The following FSD1L variants were observed in gnomAD, a reference collection of about 807,000 sequenced individuals.
FSD1L encodes FSD1-like protein.
Under a neutral mutation model 71.6 loss-of-function variants are expected in FSD1L, and 45 were observed. The ratio of observed to expected loss-of-function variants is 0.63; its 90% CI spans 0.49 to 0.81. The LOEUF is 0.81. FSD1L is among the 30% of genes least tolerant of loss of function. The pLI is 0.00. For missense variants in FSD1L, 561 were observed against 618.1 expected, an observed-to-expected ratio of 0.91 and a Z score of 0.98; for synonymous variants, 197 against 207.2, an observed-to-expected ratio of 0.95 and a Z score of 0.42.
At chr9:105,510,817 T>C (rs1834347688) in intron 9 of FSD1L, among the ~76,000 whole-genome samples, 1 of 152,142 alleles carries the variant, frequency 6.6e-6, no homozygotes, top group South Asian at 2.1e-4. Flanking sequence ...AGCTATGATA[T>C]AATTTTATAG....
rs541656787 is a variant in FSD1L at position 105,545,526 on chromosome 9, T to G, written c.1468-832T>G. Reference sequence around the variant, plus strand: ...CAGTTTTCAAAGTGAATGCTTCCAGTTTTTGCCCATTCAGTATGATATTGG... The same window carrying G: ...CAGTTTTCAAAGTGAATGCTTCCAGGTTTTGCCCATTCAGTATGATATTGG... On this transcript the variant is annotated intron_variant, in intron 13 of 13. Coordinates refer to ENST00000481272, the MANE Select transcript of FSD1L (RefSeq NM_001145313.3). Among the ~76,000 whole-genome samples, 35 of 150,750 alleles carry G rather than the reference T, an allele frequency of 2.3e-4. 1 individual carries two copies. The highest frequency in any genetic ancestry group is 2.1e-3 in the Admixed American group (32 of 15,194).
At chr9:105,523,667 T>C (rs1835325614) in intron 10 of FSD1L, 5 of 1,601,552 alleles carry the variant, frequency 3.1e-6, no homozygotes, top group Non-Finnish European at 4.3e-6. Flanking sequence ...CCATGTTGAC[T>C]GATAAATATA....
chr9:105,444,355 A>AGG (rs1829597534), upstream of FSD1L, among the ~76,000 whole-genome samples: 1 of 152,196 alleles, frequency 6.6e-6, no homozygotes, highest in Admixed American at 6.5e-5. Flanking sequence ...TAGCAAGGTA[A>AGG]GTGACTCACT....
intron 10 of FSD1L, chr9:105,521,920 A>G: frequency 1.2e-6 from 2 of 1,612,524 alleles, no homozygotes; most frequent in Non-Finnish European, 1.7e-6. Context: ...GAACACACAG[A>G]TATGTGTAAA....
At chr9:105,504,008 A>G (rs918599161) in intron 7 of FSD1L, among the ~76,000 whole-genome samples, 1 of 152,232 alleles carries the variant, frequency 6.6e-6, no homozygotes, top group Non-Finnish European at 1.5e-5. Context: ...TGAGATGTAG[A>G]TAGCAGGGTG....
At chr9:105,504,723 T>C (rs1473416042) in intron 7 of FSD1L, among the ~76,000 whole-genome samples, 1 of 152,240 alleles carries the variant, frequency 6.6e-6, no homozygotes, top group African/African-American at 2.4e-5. Context: ...AGATTACTTA[T>C]AATACCTAAT....
At chr9:105,452,816 C>T (rs1237966243) in intron 1 of FSD1L, among the ~76,000 whole-genome samples, 3 of 151,880 alleles carry the variant, frequency 2.0e-5, no homozygotes, top group African/African-American at 7.3e-5. Flanking sequence ...ACCATGGCAA[C>T]CTCTGCTTTC....
rs1834061593 is a variant in FSD1L at position 105,506,530 on chromosome 9, G to C, written c.718G>C (p.Asp240His). 1 of 1,551,002 alleles carries C rather than the reference G, an allele frequency of 6.4e-7. No homozygotes were observed. Among genetic ancestry groups the C allele is most frequent in the Non-Finnish European group, 8.7e-7 (1 of 1,146,552 alleles). ...FILEHRKTNF[D>H]GLPRVKDERC... ...ACTGGAACATAGGAAGACTAATTTT[G>C]ATGGACTTCCACGTGTAAAGGATGA... is the stretch of plus-strand genomic sequence containing the variant. Residue 240 changes from aspartate to histidine, a missense_variant, in exon 8 of 14, where the codon GAT (aspartate) becomes CAT (histidine). Coordinates refer to ENST00000481272, the MANE Select transcript of FSD1L (RefSeq NM_001145313.3).
intron 7 of FSD1L, among the ~76,000 whole-genome samples, chr9:105,500,401 C>T (rs780768479): frequency 7.2e-5 from 11 of 152,104 alleles, no homozygotes; most frequent in African/African-American, 1.2e-4. Flanking sequence ...CTGGATTTTT[C>T]GGTGGAACAG....
At chr9:105,523,620 C>G in intron 10 of FSD1L, 3 of 1,610,116 alleles carry the variant, frequency 1.9e-6, no homozygotes, top group Non-Finnish European at 2.5e-6. Context: ...TTTAATTCCT[C>G]CACTGAGAAT....
chr9:105,514,250 T>C (rs1834565395), intron 10 of FSD1L, among the ~76,000 whole-genome samples: 2 of 152,256 alleles, frequency 1.3e-5, no homozygotes, highest in Non-Finnish European at 2.9e-5. Context: ...AAAAGTGATT[T>C]TATAGTGTAT....
chr9:105,545,837 A>T (rs1330207458), intron 13 of FSD1L, among the ~76,000 whole-genome samples: 1 of 151,960 alleles, frequency 6.6e-6, no homozygotes, highest in Non-Finnish European at 1.5e-5. Context: ...GGATATTGGG[A>T]TTTGCATTTT....
chr9:105,450,972 T>C (rs1371992812), intron 1 of FSD1L, among the ~76,000 whole-genome samples: 4 of 152,228 alleles, frequency 2.6e-5, no homozygotes, highest in Non-Finnish European at 4.4e-5. Flanking sequence ...TTTCCTTTTT[T>C]TTGAGACGAA....
chr9:105,506,973 A>G (rs894468826), intron 8 of FSD1L, among the ~76,000 whole-genome samples: 1 of 152,148 alleles, frequency 6.6e-6, no homozygotes, highest in East Asian at 1.9e-4. Context: ...GGGTTTCACT[A>G]TGTTGACCAG....
chr9:105,530,826 T>C, intron 10 of FSD1L: 1 of 461,474 alleles, frequency 2.2e-6, no homozygotes, highest in Non-Finnish European at 3.9e-6. Flanking sequence ...GTACTTTGGC[T>C]CAGGAAGATA....
Position 105,461,548 on chromosome 9 carries a change from C to G in FSD1L, c.44C>G (p.Thr15Arg). Residue 15 changes from threonine (T) to arginine (R), a missense_variant, in exon 2 of 14, where the codon ACA becomes AGA. Thr to Arg is a moderately conservative substitution (Grantham distance 71, BLOSUM62 -1). This residue lies in a region of FSD1L where 410 missense variants were observed against 413.5 expected (regional missense o/e 0.99). Transcript: ENST00000481272. ...KYCFKENENV[T>R]VDKACFLISN... is the part of the protein sequence containing the mutation. Reference sequence around the variant, plus strand: ...TGCTTTAAGGAGAATGAAAACGTTACAGTTGATAAAGCCTGTTTTCTGATC... The same window carrying G: ...TGCTTTAAGGAGAATGAAAACGTTAGAGTTGATAAAGCCTGTTTTCTGATC... The G allele has an allele frequency of 6.4e-7, 1 of 1,551,194 alleles. No homozygotes were observed. The highest frequency in any genetic ancestry group is 8.7e-7 in the Non-Finnish European group (1 of 1,146,374).
chr9:105,529,399 T>C (rs1564143974), intron 10 of FSD1L, among the ~76,000 whole-genome samples: 1 of 152,120 alleles, frequency 6.6e-6, no homozygotes, highest in Admixed American at 6.6e-5. Context: ...ATAGACTGGA[T>C]AAAGAAAATG....
chr9:105,481,465 G>A (rs1169010970), intron 6 of FSD1L, among the ~76,000 whole-genome samples: 1 of 151,430 alleles, frequency 6.6e-6, no homozygotes, highest in African/African-American at 2.4e-5. Context: ...GTGTGTGTGT[G>A]TGTTTTGTAG....
chr9:105,522,781 T>C (rs1403489346), intron 10 of FSD1L: 32 of 1,611,740 alleles, frequency 2.0e-5, no homozygotes, highest in Non-Finnish European at 2.6e-5. Flanking sequence ...GATGAGTTTA[T>C]AGCAGAATGA....
Sources: allele counts gnomAD v4.1 joint callset (sites outside exome capture counted in the v4.1 genomes callset), GRCh38; gene constraint gnomAD v4.1.1; regional missense constraint gnomAD v4.1.1; transcripts MANE v1.5; gene names NCBI Gene and HGNC (gene_info 2026-07-23, HGNC 2026-07-21).